Variants in TBC1D4 observed in about 807,000 individuals in gnomAD.
TBC1D4 encodes the protein TBC (Tre-2, BUB2, CDC16) domain-containing protein.
TBC1D4 carries 121 observed loss-of-function variants against 142.5 expected under a neutral mutation model. The observed-to-expected ratio is 0.85, with a 90% CI of 0.73 to 0.99. The LOEUF (loss-of-function observed/expected upper bound fraction) is 0.99. Ranked by LOEUF, TBC1D4 falls within the 50% of genes least tolerant of loss-of-function variation. TBC1D4 has a pLI of 0.00. For missense variants in TBC1D4, 1,475 were observed against 1,606.6 expected, an observed-to-expected ratio of 0.92 and a Z score of 1.40; for synonymous variants, 630 against 628.2, an observed-to-expected ratio of 1.00 and a Z score of -0.04.
At chr13:75,346,774 A>G (rs1881185656) in intron 5 of TBC1D4, among the ~76,000 whole-genome samples, 1 of 135,696 alleles carries the variant, frequency 7.4e-6, no homozygotes, top group Non-Finnish European at 1.6e-5. Flanking sequence ...GAAAAAAAAA[A>G]TTTATGGCAT....
At chr13:75,313,067 T>A (rs939244879) in intron 12 of TBC1D4, among the ~76,000 whole-genome samples, 169 bp from the exon 13 acceptor site, 1 of 152,060 alleles carries the variant, frequency 6.6e-6, no homozygotes, top group Non-Finnish European at 1.5e-5. Context: ...GGCCACCACA[T>A]CCTGGGGAAA....
chr13:75,312,996 C>T (rs779852842), intron 12 of TBC1D4, 98 bp from the exon 13 acceptor site: 47 of 1,356,968 alleles, frequency 3.5e-5, no homozygotes, highest in East Asian at 1.7e-4. Context: ...AGTTCTGTCA[C>T]GGGCAAGCAC....
At position 75,286,871 on chromosome 13, in the gene TBC1D4, G is replaced by A. The variant is rs1370354343; in HGVS notation, c.3818C>T (p.Ala1273Val). 1.9e-6 allele frequency: 3 copies of A among 1,613,954 alleles called. No homozygotes were observed. The highest frequency in any genetic ancestry group is 1.7e-5 in the Admixed American group (1 of 59,928). ...CAGCAACAGGTCACAATTGACTAGAGCATCCGCGGGCAGCAGCTTCCGGAG... is the reference window on the plus strand; with the variant it reads ...CAGCAACAGGTCACAATTGACTAGAACATCCGCGGGCAGCAGCTTCCGGAG... ...EQLRKLLPAD[A>V]LVNCDLLLRD... The change falls in exon 21 of 21, where the codon GCT (alanine) becomes GTT (valine). Residue 1273 changes from alanine (A) to valine (V), a missense_variant. By Grantham distance (64) the Ala-to-Val change is moderately conservative. Coordinates refer to ENST00000377636, the MANE Select transcript of TBC1D4 (RefSeq NM_014832.5).
At chr13:75,301,555 G>A (rs1240211333) in intron 16 of TBC1D4, among the ~76,000 whole-genome samples, 2 of 151,746 alleles carry the variant, frequency 1.3e-5, no homozygotes, top group Admixed American at 1.3e-4. Flanking sequence ...TGAGGCAGGA[G>A]AATGGCATGA....
chr13:75,407,279 A>G (rs191673111), intron 1 of TBC1D4, among the ~76,000 whole-genome samples: 1 of 152,330 alleles, frequency 6.6e-6, no homozygotes, highest in African/African-American at 2.4e-5. Context: ...TAAATAGACT[A>G]ATAGACCAAG....
At chr13:75,361,881 A>G (rs1593791578) in intron 2 of TBC1D4, 145 bp downstream of exon 2, 8 of 974,024 alleles carry the variant, frequency 8.2e-6, no homozygotes, top group Admixed American at 2.2e-5. Context: ...CTCTTCCTCC[A>G]CCTGCCTTAT....
intron 1 of TBC1D4, among the ~76,000 whole-genome samples, chr13:75,444,998 AT>A (rs1169439806): frequency 6.6e-6 from 1 of 152,046 alleles, no homozygotes; most frequent in African/African-American, 2.4e-5. Flanking sequence ...ATTAATCTCA[AT>A]TTTCCAAATA....
rs201049082 is a variant in TBC1D4 at position 75,310,114 on chromosome 13, G to C, written c.2421C>G (p.Pro807=). The change falls in exon 14 of 21, where the codon CCC becomes CCG. Residue 807 remains proline (P), a synonymous_variant. Coordinates refer to ENST00000377636, the MANE Select transcript of TBC1D4 (RefSeq NM_014832.5). ...GTTCCTCCTCCATGGTTGGAGAGAG[G>C]GGGGACAGTGGCAGCAGCTCGTTCC... ...LDRNELLPLS[P]LSPTMEEEPL... is the part of the protein sequence containing the mutation. The C allele has an allele frequency of 5.7e-4, 915 of 1,614,018 alleles. 2 individuals carry two copies. The highest frequency in any genetic ancestry group is 6.9e-4 in the Non-Finnish European group (812 of 1,179,950).
intron 11 of TBC1D4, among the ~76,000 whole-genome samples, chr13:75,320,840 G>A (rs1328226257): frequency 3.4e-5 from 5 of 146,422 alleles, no homozygotes; most frequent in African/African-American, 1.0e-4. Flanking sequence ...TGGCTAACAC[G>A]GTGAAACCCC....
chr13:75,377,003 T>C lies in TBC1D4; in HGVS notation c.499-14396A>G, dbSNP rs533488346. 3.3e-5 allele frequency among the ~76,000 whole-genome samples: 5 copies of C among 152,348 alleles called. No homozygotes were observed. The East Asian group carries it at 9.6e-4, about 29-fold the overall frequency. ...TAACTGTGTTGTTTACAACTTTTCA[T>C]TTTAATCATTTGGAGCATGTATATA... On this transcript the variant is annotated intron_variant, in intron 1 of 20. Coordinates refer to ENST00000377636, the MANE Select transcript of TBC1D4 (RefSeq NM_014832.5).
intron 8 of TBC1D4, among the ~76,000 whole-genome samples, chr13:75,336,649 G>A (rs1157632226): frequency 1.3e-5 from 2 of 151,470 alleles, no homozygotes; most frequent in East Asian, 2.0e-4. Flanking sequence ...GCTGAGGCAG[G>A]AGAATCGCTT....
intron 8 of TBC1D4, 140 bp from the exon 9 acceptor site, chr13:75,327,966 T>A: frequency 1.3e-6 from 1 of 796,526 alleles, no homozygotes; most frequent in Non-Finnish European, 2.1e-6. Flanking sequence ...TTGGCTTTAT[T>A]AATAGTCATT....
At chr13:75,435,881 G>C (rs1886778547) in intron 1 of TBC1D4, among the ~76,000 whole-genome samples, 1 of 152,142 alleles carries the variant, frequency 6.6e-6, no homozygotes, top group Non-Finnish European at 1.5e-5. Context: ...ACAGTAACTG[G>C]TTATAGCCCA....
intron 1 of TBC1D4, among the ~76,000 whole-genome samples, chr13:75,441,662 G>A (rs989228194): frequency 6.6e-6 from 1 of 152,180 alleles, no homozygotes; most frequent in African/African-American, 2.4e-5. Flanking sequence ...TATAGAGTTG[G>A]AAAACTAAGT....
chr13:75,381,832 A>C (rs748881294), intron 1 of TBC1D4, among the ~76,000 whole-genome samples: 15 of 152,240 alleles, frequency 9.9e-5, no homozygotes, highest in Non-Finnish European at 1.0e-4. Context: ...AGATCCAAAC[A>C]CACAAAATAA....
intron 16 of TBC1D4, among the ~76,000 whole-genome samples, chr13:75,300,816 C>G (rs1345672480): frequency 6.6e-6 from 1 of 152,098 alleles, no homozygotes; most frequent in Non-Finnish European, 1.5e-5. Context: ...GGTCAGAGAA[C>G]CACAGATTTG....
chr13:75,313,361 C>T (rs568630319), intron 12 of TBC1D4, among the ~76,000 whole-genome samples: 50 of 152,280 alleles, frequency 3.3e-4, no homozygotes, highest in Non-Finnish European at 6.5e-4. Flanking sequence ...TAAGATGTGT[C>T]TCTGAATGGT....
intron 18 of TBC1D4, 30 bp from the exon 19 acceptor site, chr13:75,292,301 A>C (rs1376432291): frequency 1.3e-6 from 2 of 1,567,684 alleles, no homozygotes; most frequent in Admixed American, 3.4e-5. Context: ...TTTCATGATC[A>C]AAACTATGCA....
chr13:75,417,725 A>G (rs1036707964), intron 1 of TBC1D4, among the ~76,000 whole-genome samples: 3 of 152,214 alleles, frequency 2.0e-5, no homozygotes, highest in African/African-American at 7.2e-5. Flanking sequence ...TATTTTAACT[A>G]GTAGTATTAT....
Sources: gnomAD v4.1 joint callset for allele counts (sites outside exome capture counted in the v4.1 genomes callset) on GRCh38, gnomAD v4.1.1 for gene constraint, MANE v1.5 for transcripts, NCBI Gene and HGNC (gene_info 2026-07-23, HGNC 2026-07-21) for gene names.